Variants in SEC13 observed in about 807,000 individuals in gnomAD.
SEC13 encodes the protein SEC13 homolog, nuclear pore and COPII component.
In SEC13, 25 loss-of-function variants were observed where a neutral mutation model predicts 49.2. That is an observed-to-expected ratio of 0.51 (90% CI 0.37 to 0.71). SEC13 has a LOEUF of 0.71. Among genes scored for constraint, SEC13 ranks in the 30% least tolerant of loss-of-function variants. The pLI is 0.00. For synonymous variants in SEC13, 148 were observed against 163.9 expected (o/e 0.90, Z 0.74); for missense variants, 383 against 417.6 (o/e 0.92, Z 0.72).
Position 10,312,689 on chromosome 3 carries a change from A to C in SEC13, c.206T>G (p.Met69Arg). 1.2e-6 allele frequency: 2 copies of C among 1,614,206 alleles called. No individual in the cohort carries two copies. The highest frequency in any genetic ancestry group is 1.7e-5 in the Admixed American group (1 of 60,022). ...PVWQVAWAHP[M>R]YGNILASCSY... ...GCACGATGCCAGGATGTTGCCGTAC[A>C]TGGGGTGAGCCCAGGCCACTTGCCA... The change falls in exon 4 of 9, where the codon ATG becomes AGG. Residue 69 changes from methionine (M) to arginine (R), a missense_variant. Coordinates refer to ENST00000350697, the MANE Select transcript of SEC13 (RefSeq NM_183352.3).
At chr3:10,315,468 A>G in intron 2 of SEC13, 32 bp from the exon 3 acceptor site, 3 of 19,790 alleles carry the variant, frequency 1.5e-4, no homozygotes, top group South Asian at 7.1e-4. Flanking sequence ...GGAAGCCTGC[A>G]GGCTGGGTGG....
chr3:10,305,935 G>A (rs1418258166), intron 5 of SEC13: 1 of 395,184 alleles, frequency 2.5e-6, no homozygotes, highest in Non-Finnish European at 4.6e-6. Flanking sequence ...TAAGAAACAG[G>A]ACATTTTCTA....
At position 10,312,625 on chromosome 3, in the gene SEC13, G is replaced by A. The variant is rs1317731329; in HGVS notation, c.270C>T (p.Asn90=). 1.1e-5 allele frequency: 18 copies of A among 1,614,042 alleles called. No individual in the cohort carries two copies. The highest frequency in any genetic ancestry group is 2.2e-5 in the East Asian group (1 of 44,898). The change falls in exon 4 of 9, where the codon AAC becomes AAT. Residue 90 remains asparagine, a synonymous_variant. Transcript: ENST00000350697. ...DRKVIIWREE[N]GTWEKSHEHA... is the part of the protein sequence containing the mutation. ...GCTCGTGGCTCTTCTCCCAGGTGCC[G>A]TTTTCCTCTCTCCAGATAATGACTT...
rs2059767310 is a variant in SEC13 at position 10,321,016 on chromosome 3, C to T, written c.3+34G>A. 6.2e-7 allele frequency: 1 copy of T among 1,610,264 alleles called. No individual in the cohort carries two copies. On this transcript the variant is annotated intron_variant, in intron 1 of 8. Coordinates refer to ENST00000350697, the MANE Select transcript of SEC13 (RefSeq NM_183352.3). The surrounding 1 kb of genome is among the most constrained non-coding windows in gnomAD (Gnocchi z 4.1). ...CCGTGAAGGCCGCGACCGTGGCCTT[C>T]ACCCTGCTAGGCCTCCTCAGTACCA...
chr3:10,315,317 T>G lies in SEC13; in HGVS notation c.164+4A>C, dbSNP rs1191467367. ...AGCCCTTCCCTGGGCTCGCCAGCAC[T>G]TACCCCCTGAGGTCGGCGATAAGGA... On this transcript the variant is annotated splice_donor_region_variant and intron_variant, in intron 3 of 8. Coordinates refer to ENST00000350697, the MANE Select transcript of SEC13 (RefSeq NM_183352.3). 3 of 1,609,418 alleles carry G rather than the reference T, an allele frequency of 1.9e-6. No homozygotes were observed. The highest frequency in any genetic ancestry group is 2.6e-6 in the Non-Finnish European group (3 of 1,176,022).
At chr3:10,320,461 G>C (rs866115298) in intron 1 of SEC13, 1 of 957,322 alleles carries the variant, frequency 1.0e-6, no homozygotes, top group Non-Finnish European at 1.2e-6. Context: ...CCCTGCCTTC[G>C]GAGGGTCGTT....
chr3:10,312,462 A>C, intron 4 of SEC13, 117 bp downstream of exon 4: 1 of 1,291,274 alleles, frequency 7.7e-7, no homozygotes, highest in Non-Finnish European at 1.1e-6. Flanking sequence ...AGCCAACCAA[A>C]GCTCAAGAGA....
rs191606335 is a variant in SEC13, at chr3:10,301,026, T to G, written c.*235A>C. 1.3e-6 allele frequency: 2 copies of G among 1,540,776 alleles called. No individual in the cohort carries two copies. Among genetic ancestry groups the G allele is most frequent in the Non-Finnish European group, 1.8e-6 (2 of 1,126,628 alleles). ...TACATAAAAATGACCCAAAATAGAT[T>G]TGAACATCACTTGTAGTTTCTTCCT... is the stretch of plus-strand genomic sequence containing the variant. On this transcript the variant is annotated 3_prime_UTR_variant, in exon 9 of 9. Coordinates refer to ENST00000350697, the MANE Select transcript of SEC13 (RefSeq NM_183352.3).
chr3:10,320,457 C>A, intron 1 of SEC13: 1 of 951,926 alleles, frequency 1.1e-6, no homozygotes, highest in African/African-American at 1.8e-5. Context: ...GAGCCCCTGC[C>A]TTCGGAGGGT....
rs771346082 is a variant in SEC13 at position 10,321,079 on chromosome 3, T to G, written c.-27A>C. The G allele has an allele frequency of 4.3e-6, 7 of 1,612,616 alleles. No homozygotes were observed. Among genetic ancestry groups the G allele is most frequent in the Non-Finnish European group, 5.1e-6 (6 of 1,179,606 alleles). Reference sequence around the variant, plus strand: ...ATTGCGGCGGTGGCTGCTCCAGGTCTCGGACGTGGCAGCTCCCGGCGGCGC... The same window carrying G: ...ATTGCGGCGGTGGCTGCTCCAGGTCGCGGACGTGGCAGCTCCCGGCGGCGC... On this transcript the variant is annotated 5_prime_UTR_variant, in exon 1 of 9. Coordinates refer to ENST00000350697, the MANE Select transcript of SEC13 (RefSeq NM_183352.3). The surrounding 1 kb of genome is among the most constrained non-coding windows in gnomAD (Gnocchi z 4.1).
Position 10,321,063 on chromosome 3 carries a change from G to C in SEC13, c.-11C>G, listed in dbSNP as rs1484056900. On this transcript the variant is annotated 5_prime_UTR_variant, in exon 1 of 9. Transcript: ENST00000350697. This position sits in a 1 kb window ranked among gnomAD's most constrained non-coding sequence, Gnocchi z 4.1. ...ACCAACACTCACCATGATTGCGGCG[G>C]TGGCTGCTCCAGGTCTCGGACGTGG... is the stretch of plus-strand genomic sequence containing the variant. The C allele has an allele frequency of 6.2e-7, 1 of 1,613,216 alleles. No individual in the cohort carries two copies. Among genetic ancestry groups the C allele is most frequent in the Non-Finnish European group, 8.5e-7 (1 of 1,179,740 alleles).
At chr3:10,304,246 T>C in intron 7 of SEC13, 74 bp from the exon 8 acceptor site, 5 of 1,506,316 alleles carry the variant, frequency 3.3e-6, no homozygotes, top group Non-Finnish European at 4.6e-6. Context: ...CCTCCCAGTC[T>C]AGAGCCACCC....
intron 7 of SEC13, among the ~76,000 whole-genome samples, chr3:10,304,758 C>G (rs1700758701): frequency 6.6e-6 from 1 of 152,168 alleles, no homozygotes; most frequent in African/African-American, 2.4e-5. Context: ...CCTCGGCGCC[C>G]TAGTCTCACA....
intron 5 of SEC13, among the ~76,000 whole-genome samples, chr3:10,306,849 G>A (rs62240123): frequency 0.052 from 7,987 of 152,212 alleles, 373 homozygotes; most frequent in African/African-American, 0.13. Flanking sequence ...ATGACTGTGA[G>A]GTTTCCCCAG....
chr3:10,315,443 A>G lies in SEC13; in HGVS notation c.49-7T>C. ...AGTCCATCTGGGCGTCGTGCTGCAA[A>G]GGGAGGACAGCTCGGGAAGCCTGCA... On this transcript the variant is annotated splice_region_variant and splice_polypyrimidine_tract_variant and intron_variant, in intron 2 of 8. Coordinates refer to ENST00000350697, the MANE Select transcript of SEC13 (RefSeq NM_183352.3). The G allele has an allele frequency of 1.7e-6, 2 of 1,210,300 alleles. No individual in the cohort carries two copies. The highest frequency in any genetic ancestry group is 2.2e-6 in the Non-Finnish European group (2 of 913,868). 75.0% of individuals were successfully genotyped at this position (1,210,300 alleles called of 1,614,324 possible).
At chr3:10,309,895 A>G (rs1010143591) in intron 5 of SEC13, among the ~76,000 whole-genome samples, 4 of 152,214 alleles carry the variant, frequency 2.6e-5, no homozygotes, top group African/African-American at 9.6e-5. Flanking sequence ...GATGGCTTTC[A>G]GGAGTTCCTG....
In SEC13 at chr3:10,309,488, A is replaced by G. The variant is rs192764769; in HGVS notation, c.450+2477T>C. Among the ~76,000 whole-genome samples the G allele has an allele frequency of 2.6e-5, 4 of 152,008 alleles. No homozygotes were observed. In the East Asian group the frequency reaches 7.7e-4, roughly 29 times the overall value. On this transcript the variant is annotated intron_variant, in intron 5 of 8. Coordinates refer to ENST00000350697, the MANE Select transcript of SEC13 (RefSeq NM_183352.3). ...TTTTCAGGCAGGATCTGCTGTGTTC[A>G]TCGACACTTGCATTTCGTCTTAGTC...
At chr3:10,315,187 C>T in intron 3 of SEC13, 134 bp downstream of exon 3, 1 of 657,486 alleles carries the variant, frequency 1.5e-6, no homozygotes, top group Non-Finnish European at 2.7e-6. Context: ...GGCTGGGATC[C>T]CAGCGTCCTC....
At chr3:10,305,369 G>T (rs929153501) in intron 6 of SEC13, 190 bp downstream of exon 6, 8 of 1,045,842 alleles carry the variant, frequency 7.6e-6, no homozygotes, top group African/African-American at 1.6e-5. Flanking sequence ...AGCTCCAACA[G>T]TTGGGAATTA....
Sources: allele counts gnomAD v4.1 joint callset (sites outside exome capture counted in the v4.1 genomes callset), GRCh38; gene constraint gnomAD v4.1.1; non-coding constraint Gnocchi (gnomAD v3.1); transcripts MANE v1.5; gene names NCBI Gene and HGNC (gene_info 2026-07-23, HGNC 2026-07-21).